Variants in IL22RA1 observed in about 807,000 individuals in gnomAD.
IL22RA1 encodes interleukin 22 receptor subunit alpha 1, also known as interleukin-22 receptor subunit alpha-1.
Under a neutral mutation model 32.8 loss-of-function variants are expected in IL22RA1, and 25 were observed. That is an observed-to-expected ratio of 0.76 (90% CI 0.55 to 1.06). The LOEUF (loss-of-function observed/expected upper bound fraction) is 1.06. Among genes scored for constraint, IL22RA1 ranks in the 50% least tolerant of loss-of-function variants. The pLI is 0.00. For synonymous variants in IL22RA1, 305 were observed against 305.0 expected, an observed-to-expected ratio of 1.00 and a Z score of 0.00; for missense variants, 709 against 727.4, an observed-to-expected ratio of 0.97 and a Z score of 0.29.
intron 3 of IL22RA1, among the ~76,000 whole-genome samples, chr1:24,136,813 G>A (rs554746889): frequency 6.6e-6 from 1 of 152,334 alleles, no homozygotes; most frequent in East Asian, 1.9e-4. Context: ...TGGAGAATGG[G>A]CTGGAGGAGG....
intron 6 of IL22RA1, 99 bp from the exon 7 acceptor site, chr1:24,121,836 C>T (rs1011964775): frequency 4.2e-6 from 4 of 950,186 alleles, no homozygotes; most frequent in Non-Finnish European, 5.9e-6. Flanking sequence ...AGGGAGGCAT[C>T]TGGGGGCTTT....
chr1:24,121,279 C>T lies in IL22RA1; in HGVS notation c.1251G>A (p.Gly417=). 2 of 1,614,028 alleles carry T rather than the reference C, an allele frequency of 1.2e-6. No homozygotes were observed. The highest frequency in any genetic ancestry group is 1.7e-6 in the Non-Finnish European group (2 of 1,179,958). Residue 417 remains glycine, a synonymous_variant, in exon 7 of 7, where the codon GGG becomes GGA. Coordinates refer to ENST00000270800, the MANE Select transcript of IL22RA1 (RefSeq NM_021258.4). ...TAAGGTGTTTAGGACTAGAAAGTGT[C>T]CCAGTGGGGGAGTCTTTGCCAGAAC... ...MEGSGKDSPT[G]TLSSPKHLRP...
At position 24,121,315 on chromosome 1, in the gene IL22RA1, T is replaced by C; in HGVS notation, c.1215A>G (p.Val405=). 1 of 1,612,530 alleles carries C rather than the reference T, an allele frequency of 6.2e-7. No homozygotes were observed. The highest frequency in any genetic ancestry group is 2.2e-5 in the East Asian group (1 of 44,824). ...TPDSWPPSYG[V]CMEGSGKDSP... Reference sequence around the variant, plus strand: ...AGTCTTTGCCAGAACCTTCCATGCATACCCCATAGGAGGGAGGCCAGCTGT... The same window carrying C: ...AGTCTTTGCCAGAACCTTCCATGCACACCCCATAGGAGGGAGGCCAGCTGT... The change falls in exon 7 of 7, where the codon GTA becomes GTG. Residue 405 remains valine (V), a synonymous_variant. Coordinates refer to ENST00000270800, the MANE Select transcript of IL22RA1 (RefSeq NM_021258.4).
rs781261671 is a variant in IL22RA1 at position 24,120,779 on chromosome 1, G to A, written c.*26C>T. 2 of 1,556,956 alleles carry A rather than the reference G, an allele frequency of 1.3e-6. No individual in the cohort carries two copies. On this transcript the variant is annotated 3_prime_UTR_variant, in exon 7 of 7. Transcript: ENST00000270800. ...TGTGACACTGGGTAGGGACAGGGAG[G>A]AAGCACCAAGCCTTTCCCATTCCCC...
chr1:24,126,869 A>G (rs756408227), intron 5 of IL22RA1, among the ~76,000 whole-genome samples: 1 of 152,256 alleles, frequency 6.6e-6, no homozygotes, highest in Middle Eastern at 3.4e-3. Context: ...CACTGAGCAG[A>G]TGATTCAAAA....
intron 3 of IL22RA1, 61 bp downstream of exon 3, chr1:24,137,070 C>G (rs1053784222): frequency 5.3e-6 from 8 of 1,522,160 alleles, no homozygotes; most frequent in Non-Finnish European, 7.2e-6. Context: ...GGCCATCCCA[C>G]CCCGCAAACA....
chr1:24,142,612 C>T (rs974894011), intron 1 of IL22RA1, among the ~76,000 whole-genome samples: 10 of 152,230 alleles, frequency 6.6e-5, no homozygotes, highest in Middle Eastern at 3.2e-3. Context: ...ACTCAAGCTT[C>T]GTTTCCCCCG....
intron 1 of IL22RA1, among the ~76,000 whole-genome samples, chr1:24,140,284 G>C (rs544924561): frequency 1.5e-4 from 23 of 152,348 alleles, no homozygotes; most frequent in Non-Finnish European, 1.5e-4. Context: ...ACTGGTTGTG[G>C]GGCGGATAGA....
At chr1:24,132,470 T>C (rs1024063717) in intron 4 of IL22RA1, among the ~76,000 whole-genome samples, 2 of 151,668 alleles carry the variant, frequency 1.3e-5, no homozygotes, top group Non-Finnish European at 2.9e-5. Flanking sequence ...TAGCTGAGAC[T>C]ACAGGCGCCC....
intron 5 of IL22RA1, among the ~76,000 whole-genome samples, chr1:24,127,927 C>T (rs2148571593): frequency 6.6e-6 from 1 of 152,292 alleles, no homozygotes; most frequent in South Asian, 2.1e-4. Flanking sequence ...GAAATCCAGA[C>T]ATAGGCTGGA....
chr1:24,139,485 T>C (rs1008225696), intron 1 of IL22RA1, among the ~76,000 whole-genome samples: 16 of 152,236 alleles, frequency 1.1e-4, no homozygotes, highest in African/African-American at 3.9e-4. Context: ...ATAGTAGCTC[T>C]ATCTTTAACC....
intron 6 of IL22RA1, 36 bp downstream of exon 6, chr1:24,123,266 T>C: frequency 5.0e-6 from 8 of 1,603,576 alleles, no homozygotes; most frequent in Non-Finnish European, 8.5e-7. Context: ...GGCCCTCCCC[T>C]GGACCTCTCC....
At chr1:24,138,232 C>T (rs1644255798) in intron 2 of IL22RA1, among the ~76,000 whole-genome samples, 1 of 152,170 alleles carries the variant, frequency 6.6e-6, no homozygotes, top group East Asian at 1.9e-4. Context: ...GGCACAAGTG[C>T]TAATGACTTT....
chr1:24,133,164 C>T lies in IL22RA1; in HGVS notation c.531+1047G>A, dbSNP rs1349158048. Among the ~76,000 whole-genome samples the T allele has an allele frequency of 2.0e-5, 3 of 150,890 alleles. No homozygotes were observed. The East Asian group carries it at 5.9e-4, about 30-fold the overall frequency. Reference sequence around the variant, plus strand: ...CTGTGGCATGCCAGGTAATATATGACTATTAATGACATAATATGCATATTA... The same window carrying T: ...CTGTGGCATGCCAGGTAATATATGATTATTAATGACATAATATGCATATTA... On this transcript the variant is annotated intron_variant, in intron 4 of 6. Coordinates refer to ENST00000270800, the MANE Select transcript of IL22RA1 (RefSeq NM_021258.4).
chr1:24,142,056 G>A (rs1644284994), intron 1 of IL22RA1, among the ~76,000 whole-genome samples: 1 of 152,178 alleles, frequency 6.6e-6, no homozygotes, highest in Non-Finnish European at 1.5e-5. Flanking sequence ...TTTCTAACCA[G>A]TATGGCTGAG....
chr1:24,136,622 G>A (rs1644244256), intron 3 of IL22RA1, among the ~76,000 whole-genome samples: 1 of 152,214 alleles, frequency 6.6e-6, no homozygotes, highest in Non-Finnish European at 1.5e-5. Flanking sequence ...ACTGTCAGAA[G>A]CTTGGCTGCT....
rs564596635 is a variant in IL22RA1, at chr1:24,132,400, T to C, written c.531+1811A>G. 5.1e-4 allele frequency among the ~76,000 whole-genome samples: 77 copies of C among 151,208 alleles called. 1 individual carries two copies. Among genetic ancestry groups the C allele is most frequent in the African/African-American group, 1.7e-3 (72 of 41,226 alleles). ...AGGCTGGAGTGCAGTGGCGCGATCT[T>C]GGCCCACTGCAAGCTCCACCTCCCG... On this transcript the variant is annotated intron_variant, in intron 4 of 6. Coordinates refer to ENST00000270800, the MANE Select transcript of IL22RA1 (RefSeq NM_021258.4).
intron 4 of IL22RA1, among the ~76,000 whole-genome samples, chr1:24,132,534 G>A (rs963313551): frequency 1.3e-5 from 2 of 151,676 alleles, no homozygotes; most frequent in South Asian, 2.1e-4. Flanking sequence ...GGGTTTCACC[G>A]TGTTAGCCAG....
intron 1 of IL22RA1, among the ~76,000 whole-genome samples, chr1:24,139,788 T>C (rs1332067538): frequency 1.3e-5 from 2 of 152,232 alleles, no homozygotes; most frequent in African/African-American, 4.8e-5. Flanking sequence ...ACCAGCATTG[T>C]TTGAGGGGTT....
Sources: allele counts gnomAD v4.1 joint callset (sites outside exome capture counted in the v4.1 genomes callset), GRCh38; gene constraint gnomAD v4.1.1; transcripts MANE v1.5; gene names NCBI Gene and HGNC (gene_info 2026-07-23, HGNC 2026-07-21).